OGA: variants seen among roughly 807,000 people sequenced by gnomAD.
OGA encodes the protein O-GlcNAcase, also known as protein O-GlcNAcase.
Under a neutral mutation model 102.0 loss-of-function variants are expected in OGA, and 21 were observed. The observed-to-expected ratio is 0.21, with a 90% confidence interval of 0.15 to 0.30. The LOEUF is 0.30. Among genes scored for constraint, OGA ranks in the 10% least tolerant of loss-of-function variants. The pLI, the probability that OGA is intolerant of heterozygous loss-of-function variation, is 1.00. For missense variants in OGA, 765 were observed against 1,107.8 expected (o/e 0.69, Z 4.39); for synonymous variants, 408 against 378.2 (o/e 1.08, Z -0.91).
intron 5 of OGA, among the ~76,000 whole-genome samples, chr10:101,807,344 G>A (rs2065489954): frequency 6.6e-6 from 1 of 152,134 alleles, no homozygotes; most frequent in Non-Finnish European, 1.5e-5. Flanking sequence ...AGATGGGAGT[G>A]GGAGGAGTGC....
At position 101,798,959 on chromosome 10, in the gene OGA, T is replaced by A; in HGVS notation, c.1692A>T (p.Leu564=). 2 of 1,614,204 alleles carry A rather than the reference T, an allele frequency of 1.2e-6. No homozygotes were observed. Among genetic ancestry groups the A allele is most frequent in the Non-Finnish European group, 1.7e-6 (2 of 1,180,034 alleles). ...GTCCATGCTCGTAAGGAAGGTAGAA[T>A]AGATCAGCAAGTAACTGCAAATCCT... ...TLEDLQLLAD[L]FYLPYEHGPK... is the part of the protein sequence containing the mutation. Residue 564 remains leucine (L), a synonymous_variant, in exon 9 of 16, where the codon CTA becomes CTT. Coordinates refer to ENST00000361464, the MANE Select transcript of OGA (RefSeq NM_012215.5).
In OGA at chr10:101,791,102, A is replaced by G; in HGVS notation, c.2262-14T>C. 1 of 1,583,772 alleles carries G rather than the reference A, an allele frequency of 6.3e-7. No individual in the cohort carries two copies. Among genetic ancestry groups the G allele is most frequent in the Non-Finnish European group, 8.5e-7 (1 of 1,169,986 alleles). ...CCTCCTACTAACCTGCTCAGAAGGAAAGAGGCCACAGTAAACTTTTCAGTT... is the reference window on the plus strand; with the variant it reads ...CCTCCTACTAACCTGCTCAGAAGGAGAGAGGCCACAGTAAACTTTTCAGTT... On this transcript the variant is annotated splice_polypyrimidine_tract_variant and intron_variant, in intron 13 of 15. Transcript: ENST00000361464.
chr10:101,812,920 C>T, intron 3 of OGA, 110 bp downstream of exon 3: 1 of 902,602 alleles, frequency 1.1e-6, no homozygotes, highest in East Asian at 2.5e-5. Context: ...GAAAAGGAAA[C>T]TACCTACAAA....
chr10:101,813,099 A>G lies in OGA; in HGVS notation c.280T>C (p.Leu94=). The G allele has an allele frequency of 6.2e-7, 1 of 1,612,588 alleles. No homozygotes were observed. Among genetic ancestry groups the G allele is most frequent in the Non-Finnish European group, 8.5e-7 (1 of 1,179,344 alleles). Residue 94 remains leucine (L), a synonymous_variant, in exon 3 of 16, where the codon TTG becomes CTG. Coordinates refer to ENST00000361464, the MANE Select transcript of OGA (RefSeq NM_012215.5). ...TTGTAGTCATCTTTTGGGGCATACA[A>G]GTATGTATTTAATTCCCATTTCTGG... ...RLQKWELNTY[L]YAPKDDYKHR... is the part of the protein sequence containing the mutation.
At chr10:101,786,977 G>C (rs1427163839) in intron 15 of OGA, among the ~76,000 whole-genome samples, 1 of 151,798 alleles carries the variant, frequency 6.6e-6, no homozygotes. Flanking sequence ...TCGATCTCTT[G>C]ACCTCATGAT....
In OGA at chr10:101,784,658, A is replaced by G. The variant is rs1402951064; in HGVS notation, c.*1793T>C. ...GTCACCTGTGACCAGACCAGCCAAC[A>G]TGATTACTAAAAGCCAAGATAAAAC... On this transcript the variant is annotated 3_prime_UTR_variant, in exon 16 of 16. Coordinates refer to ENST00000361464, the MANE Select transcript of OGA (RefSeq NM_012215.5). 1 of 152,328 alleles carries G rather than the reference A, an allele frequency of 6.6e-6. No homozygotes were observed. Among genetic ancestry groups the G allele is most frequent in the Non-Finnish European group, 1.5e-5 (1 of 68,048 alleles). 9.4% of individuals were successfully genotyped at this position (152,328 alleles called of 1,614,324 possible). A position where few individuals can be genotyped will look rare whatever the true frequency, so the allele number is the denominator to read the frequency against.
In OGA at chr10:101,813,124, G is replaced by C. The variant is rs745326133; in HGVS notation, c.255C>G (p.Leu85=). ...AGTATGTATTTAATTCCCATTTCTG[G>C]AGCCTTAAGGAGAAAGAAAATTACA... The part of the protein sequence containing the change: ...MEQRKELFRR[L]QKWELNTYLY... Residue 85 remains leucine (L), a synonymous_variant, in exon 3 of 16, where the codon CTC becomes CTG. Coordinates refer to ENST00000361464, the MANE Select transcript of OGA (RefSeq NM_012215.5). The C allele has an allele frequency of 2.5e-6, 4 of 1,591,744 alleles. No individual in the cohort carries two copies. In the South Asian group the frequency reaches 4.6e-5, roughly 18 times the overall value.
At chr10:101,793,716 G>A in intron 11 of OGA, 197 bp downstream of exon 11, 1 of 510,302 alleles carries the variant, frequency 2.0e-6, no homozygotes, top group Non-Finnish European at 3.5e-6. Flanking sequence ...AGGCGCGGGG[G>A]GGATTGGCAG....
rs1564640679 is a variant in OGA at position 101,792,824 on chromosome 10, TAGAG to T, written c.2175+11_2175+14del. 6.5e-7 allele frequency: 1 copy of T among 1,547,436 alleles called. No individual in the cohort carries two copies. ...CATACCCATACACCAAGTTGGTAGG[TAGAG>T]AGACAATTACCTCATCCTTAGGAAA... is the stretch of plus-strand genomic sequence containing the variant. On this transcript the variant is annotated intron_variant, in intron 12 of 15. Coordinates refer to ENST00000361464, the MANE Select transcript of OGA (RefSeq NM_012215.5).
At chr10:101,791,912 C>T (rs971463568) in intron 12 of OGA, among the ~76,000 whole-genome samples, 7 of 152,136 alleles carry the variant, frequency 4.6e-5, no homozygotes, top group Non-Finnish European at 8.8e-5. Context: ...CTGCAACCTC[C>T]GCCTCTCAGG....
At chr10:101,798,574 C>T (rs760195341) in intron 9 of OGA, among the ~76,000 whole-genome samples, 4 of 152,074 alleles carry the variant, frequency 2.6e-5, no homozygotes, top group Admixed American at 1.3e-4. Flanking sequence ...TCACCATGCC[C>T]GGCTAATTTT....
chr10:101,800,426 CAAA>C (rs1189596562), intron 7 of OGA, 26 bp from the exon 8 acceptor site: 3 of 1,588,124 alleles, frequency 1.9e-6, no homozygotes, highest in Non-Finnish European at 2.6e-6. Context: ...TAAAAAAGCA[CAAA>C]AATAGTTTTG....
chr10:101,785,611 CA>C lies in OGA; in HGVS notation c.*839del, dbSNP rs34001077. The C allele has an allele frequency of 6.6e-6, 1 of 152,372 alleles. No homozygotes were observed. Among genetic ancestry groups the C allele is most frequent in the Non-Finnish European group, 1.5e-5 (1 of 67,998 alleles). The allele number at this position is 152,372 out of a possible 1,614,324, so 9.4% of individuals were successfully genotyped here. A position where few individuals can be genotyped will look rare whatever the true frequency, so the allele number is the denominator to read the frequency against. On this transcript the variant is annotated 3_prime_UTR_variant, in exon 16 of 16. Coordinates refer to ENST00000361464, the MANE Select transcript of OGA (RefSeq NM_012215.5). Reference sequence around the variant, plus strand: ...AGGCACTTTAAAAATAATAAAACTTCAAAAAGAACAAAAACAACCCCAAACC... The same window carrying C: ...AGGCACTTTAAAAATAATAAAACTTCAAAAGAACAAAAACAACCCCAAACC...
chr10:101,809,354 G>A (rs1347229036), intron 4 of OGA, among the ~76,000 whole-genome samples: 2 of 152,146 alleles, frequency 1.3e-5, no homozygotes, highest in Non-Finnish European at 2.9e-5. Context: ...TATGCAAACT[G>A]AAATTTGAGA....
rs751468999 is a variant in OGA at position 101,817,980 on chromosome 10, T to A, written c.43A>T (p.Ser15Cys). The A allele has an allele frequency of 2.5e-6, 4 of 1,604,362 alleles. No homozygotes were observed. Among genetic ancestry groups the A allele is most frequent in the South Asian group, 2.2e-5 (2 of 90,536 alleles). ...ESQATLEERE[S>C]ELSSNPAASA... ...GCGGCAGGGTTGGAGCTGAGCTCGC[T>A]CTCCCGCTCCTCCAACGTCGCTTGA... Residue 15 changes from serine (S) to cysteine (C), a missense_variant, in exon 1 of 16, where the codon AGC (serine) becomes TGC (cysteine). By Grantham distance (112) the Ser-to-Cys change is moderately radical (BLOSUM62 -1). This residue lies in a region of OGA where 117 missense variants were observed against 85.7 expected (regional missense o/e 1.36). Transcript: ENST00000361464.
At chr10:101,797,697 C>T (rs1273784989) in intron 10 of OGA, 1 of 555,460 alleles carries the variant, frequency 1.8e-6, no homozygotes, top group African/African-American at 1.9e-5. Flanking sequence ...GGGTTCCATC[C>T]AGAAAGCATT....
chr10:101,817,358 T>A (rs2065645845), intron 1 of OGA, among the ~76,000 whole-genome samples: 1 of 152,140 alleles, frequency 6.6e-6, no homozygotes, highest in Non-Finnish European at 1.5e-5. Context: ...CTAAGCCAAG[T>A]GGAACTTGAA....
chr10:101,789,522 A>C (rs1464185097), intron 14 of OGA, among the ~76,000 whole-genome samples: 1 of 152,002 alleles, frequency 6.6e-6, no homozygotes, highest in Non-Finnish European at 1.5e-5. Context: ...AATAAATAAA[A>C]AGACTATGAA....
chr10:101,800,397 T>C lies in OGA; in HGVS notation c.1040A>G (p.Asp347Gly). The C allele has an allele frequency of 6.2e-7, 1 of 1,602,012 alleles. No homozygotes were observed. Among genetic ancestry groups the C allele is most frequent in the Non-Finnish European group, 8.5e-7 (1 of 1,175,804 alleles). Residue 347 changes from aspartate (D) to glycine (G), a missense_variant, in exon 8 of 16, where the codon GAC (aspartate) becomes GGC (glycine). Coordinates refer to ENST00000361464, the MANE Select transcript of OGA (RefSeq NM_012215.5). ...GATGGACACAGTACTATCTTCACTG[T>C]CAGCTGCAAAAAATAAAATAAAAAA... The part of the protein sequence containing the change: ...NGVRKDVVMT[D>G]SEDSTVSIQI...
Sources: allele counts gnomAD v4.1 joint callset (sites outside exome capture counted in the v4.1 genomes callset), GRCh38; gene constraint gnomAD v4.1.1; regional missense constraint gnomAD v4.1.1; transcripts MANE v1.5; gene names NCBI Gene and HGNC (gene_info 2026-07-23, HGNC 2026-07-21).